Variants in PACRGL observed in about 807,000 individuals in gnomAD.
The protein encoded by PACRGL is PACRG-like protein.
A neutral mutation model predicts 34.5 loss-of-function variants in PACRGL; 38 were observed. That is an observed-to-expected ratio of 1.10 (90% CI 0.85 to 1.44). The LOEUF is 1.44. Ranked by LOEUF, PACRGL falls within the 40% of genes most tolerant of loss-of-function variation. The pLI, the probability that PACRGL is intolerant of heterozygous loss-of-function variation, is 0.00. For synonymous variants in PACRGL, 128 were observed against 100.1 expected, an observed-to-expected ratio of 1.28 and a Z score of -1.66; for missense variants, 305 against 281.4, an observed-to-expected ratio of 1.08 and a Z score of -0.60.
At chr4:20,753,521 A>AC (rs1251383063), downstream of PACRGL, among the ~76,000 whole-genome samples, 1 of 152,212 alleles carries the variant, frequency 6.6e-6, no homozygotes, top group Non-Finnish European at 1.5e-5. Flanking sequence ...GAACAAACAC[A>AC]CTTGATTATC....
chr4:20,707,780 A>G, intron 3 of PACRGL, 23 bp from the exon 4 acceptor site: 1 of 1,601,704 alleles, frequency 6.2e-7, no homozygotes, highest in Non-Finnish European at 8.6e-7. Context: ...AGGTGATAGT[A>G]ATATTTTCAT....
rs941356455 is a variant in PACRGL at position 20,712,990 on chromosome 4, A to T, written c.501+68A>T. On this transcript the variant is annotated intron_variant, in intron 6 of 8. Transcript: ENST00000503585. ...TAGAAAAGAAAGCTGTAATATATTT[A>T]GAATATTGTATGCCTTTTTCCCTCC... is the stretch of plus-strand genomic sequence containing the variant. 7.4e-5 allele frequency: 102 copies of T among 1,378,440 alleles called. No individual in the cohort carries two copies. In the Admixed American group the frequency reaches 1.0e-3, roughly 14 times the overall value. 85.4% of individuals were successfully genotyped at this position (1,378,440 alleles called of 1,614,324 possible). A position where few individuals can be genotyped will look rare whatever the true frequency, so the allele number is the denominator to read the frequency against.
In PACRGL at chr4:20,713,501, C is replaced by T. The variant is rs897818860; in HGVS notation, c.571C>T (p.Pro191Ser). Residue 191 changes from proline to serine, a missense_variant, in exon 7 of 9, where the codon CCT (proline) becomes TCT (serine). Physicochemically the swap from Pro to Ser is moderately conservative, Grantham distance 74 (BLOSUM62 -1). Transcript: ENST00000503585. ...AGTTCAGCTAAGTGTCGTTGTTGGTCCTTCTCTAAACGACCATCTGAAGCA... is the reference window on the plus strand; with the variant it reads ...AGTTCAGCTAAGTGTCGTTGTTGGTTCTTCTCTAAACGACCATCTGAAGCA... Reference protein sequence around the residue: ...ALVQLSVVVGPSLNDHLKHLL... With the variant: ...ALVQLSVVVGSSLNDHLKHLL... 1.2e-6 allele frequency: 2 copies of T among 1,613,422 alleles called. No homozygotes were observed. The highest frequency in any genetic ancestry group is 1.7e-5 in the Admixed American group (1 of 59,946).
At chr4:20,707,283 G>T (rs907889228) in intron 3 of PACRGL, among the ~76,000 whole-genome samples, 1 of 147,140 alleles carries the variant, frequency 6.8e-6, no homozygotes, top group African/African-American at 2.7e-5. Context: ...GAAAGGTTAT[G>T]AAGTTATATA....
At chr4:20,758,834 G>A in the PACRGL span, 1 of 1,612,948 alleles carries the variant, frequency 6.2e-7, no homozygotes, top group Non-Finnish European at 8.5e-7. Flanking sequence ...CCTGTGGAAA[G>A]AACTGCGAGT....
chr4:20,744,261 A>G (rs1751895779), intron 8 of PACRGL, among the ~76,000 whole-genome samples: 1 of 152,258 alleles, frequency 6.6e-6, no homozygotes, highest in African/African-American at 2.4e-5. Flanking sequence ...ATTACTGGGT[A>G]TACACCCAAA....
rs1560394138 is a variant in PACRGL at position 20,729,674 on chromosome 4, AT to A, written c.*2334del. 2 of 155,850 alleles carry A rather than the reference AT, an allele frequency of 1.3e-5. No homozygotes were observed. The highest frequency in any genetic ancestry group is 2.8e-5 in the Non-Finnish European group (2 of 70,802). The allele number at this position is 155,850 out of a possible 1,614,324, so 9.7% of individuals were successfully genotyped here. A position where few individuals can be genotyped will look rare whatever the true frequency, so the allele number is the denominator to read the frequency against. On this transcript the variant is annotated 3_prime_UTR_variant, in exon 9 of 9. Coordinates refer to ENST00000503585, the MANE Select transcript of PACRGL (RefSeq NM_001258345.3). ...AATTAATTTAATTTCTGGAAATTAAATGCAGATGTCACTATATTAGAAAACC... is the reference window on the plus strand; with the variant it reads ...AATTAATTTAATTTCTGGAAATTAAAGCAGATGTCACTATATTAGAAAACC...
intron 8 of PACRGL, among the ~76,000 whole-genome samples, chr4:20,746,135 C>T (rs1316436565): frequency 6.6e-6 from 1 of 152,100 alleles, no homozygotes; most frequent in African/African-American, 2.4e-5. Context: ...CCCAAATGTC[C>T]ATCAATAATA....
intron 7 of PACRGL, among the ~76,000 whole-genome samples, chr4:20,722,038 C>A (rs1578301914): frequency 6.6e-6 from 1 of 152,248 alleles, no homozygotes. Flanking sequence ...GCGCCCCTCT[C>A]CCAGCCTTGC....
At position 20,715,897 on chromosome 4, in the gene PACRGL, T is replaced by G. The variant is rs188480855; in HGVS notation, c.609+2358T>G. Among the ~76,000 whole-genome samples, 351 of 152,250 alleles carry G rather than the reference T, an allele frequency of 2.3e-3. 8 individuals are homozygous for G. The South Asian group carries it at 0.046, about 20-fold the overall frequency. ...AACCAAAAGTCGAATGGATAAAAGC[T>G]AATGAATGGTAAGATGGTATTATGC... On this transcript the variant is annotated intron_variant, in intron 7 of 8. Transcript: ENST00000503585.
Position 20,724,793 on chromosome 4 carries a change from A to G in PACRGL, c.610-15A>G. 7.0e-7 allele frequency: 1 copy of G among 1,438,468 alleles called. No homozygotes were observed. The highest frequency in any genetic ancestry group is 9.1e-7 in the Non-Finnish European group (1 of 1,093,582). The allele number at this position is 1,438,468 out of a possible 1,614,324, so 89.1% of individuals were successfully genotyped here. A position where few individuals can be genotyped will look rare whatever the true frequency, so the allele number is the denominator to read the frequency against. On this transcript the variant is annotated splice_polypyrimidine_tract_variant and intron_variant, in intron 7 of 8. Transcript: ENST00000503585. ...TTTAAAGTCATTTCGTTTCCCCCTA[A>G]TCTTACTTTAAAAGCTTTCCAAGAG...
At chr4:20,743,062 C>T (rs1453636721) in intron 8 of PACRGL, among the ~76,000 whole-genome samples, 1 of 134,892 alleles carries the variant, frequency 7.4e-6, no homozygotes, top group African/African-American at 2.9e-5. Context: ...GTGTGAAGGA[C>T]CCTTATAAGT....
chr4:20,701,646 C>G (rs1458374791), intron 1 of PACRGL: 1 of 315,904 alleles, frequency 3.2e-6, no homozygotes, highest in African/African-American at 2.2e-5. Context: ...ATGCTCCAGG[C>G]TTGTCAGTGG....
rs190278693 is a variant in PACRGL at position 20,746,690 on chromosome 4, T to C, written c.*57-5875T>C. On this transcript the variant is annotated intron_variant, in intron 8 of 8. Transcript: ENST00000507634. Reference sequence around the variant, plus strand: ...ATTGCTGATGTTTTAGCAGTATGAATGCTAAGGTTAAGAAGGTTAAGTACT... The same window carrying C: ...ATTGCTGATGTTTTAGCAGTATGAACGCTAAGGTTAAGAAGGTTAAGTACT... Among the ~76,000 whole-genome samples the C allele has an allele frequency of 2.3e-3, 353 of 152,296 alleles. 8 individuals carry two copies. In the South Asian group the frequency reaches 0.046, roughly 20 times the overall value.
At chr4:20,708,053 T>C (rs1735360619) in intron 4 of PACRGL, among the ~76,000 whole-genome samples, 183 bp downstream of exon 4, 1 of 152,234 alleles carries the variant, frequency 6.6e-6, no homozygotes, top group Non-Finnish European at 1.5e-5. Flanking sequence ...AAAACCATTC[T>C]AGTTCCAAAA....
chr4:20,737,491 T>C (rs189987111), downstream of PACRGL, among the ~76,000 whole-genome samples: 354 of 152,020 alleles, frequency 2.3e-3, 8 homozygotes, highest in South Asian at 0.047. Context: ...ATCCAGAACA[T>C]GGGTAGATGG....
At chr4:20,767,250 A>G in the PACRGL span, 2 of 152,164 alleles carry the variant, frequency 1.3e-5, no homozygotes, top group Admixed American at 6.6e-5. Context: ...CTAGTGTTAT[A>G]AGTTGAATCA....
chr4:20,709,436 C>T (rs1188301236), intron 4 of PACRGL, among the ~76,000 whole-genome samples: 2 of 152,190 alleles, frequency 1.3e-5, no homozygotes, highest in Non-Finnish European at 2.9e-5. Context: ...TTAAGATTCA[C>T]AGACAGCAAC....
In PACRGL at chr4:20,743,173, G is replaced by A. The variant is rs370408038; in HGVS notation, c.*57-9392G>A. 2.1e-3 allele frequency among the ~76,000 whole-genome samples: 313 copies of A among 152,140 alleles called. 3 individuals are homozygous for A. Among genetic ancestry groups the A allele is most frequent in the African/African-American group, 2.2e-3 (93 of 41,480 alleles). On this transcript the variant is annotated intron_variant, in intron 8 of 8. Coordinates refer to the PACRGL transcript ENST00000507634. ...TTCATGGATAGGAAGAATCCATATC[G>A]TGAACATGGCCATACTGCCCAAGGT... is the stretch of plus-strand genomic sequence containing the variant.
Sources: allele counts gnomAD v4.1 joint callset (sites outside exome capture counted in the v4.1 genomes callset), GRCh38; gene constraint gnomAD v4.1.1; transcripts MANE v1.5; gene names NCBI Gene and HGNC (gene_info 2026-07-23, HGNC 2026-07-21).